ARL15: variants seen among roughly 807,000 people sequenced by gnomAD.
The protein encoded by ARL15 is ARF like GTPase 15.
ARL15 carries 19 observed loss-of-function variants against 25.2 expected under a neutral mutation model. The observed-to-expected ratio is 0.75, with a 90% CI of 0.53 to 1.10. The LOEUF (loss-of-function observed/expected upper bound fraction) is 1.10. Among genes scored for constraint, ARL15 ranks in the 50% least tolerant of loss-of-function variants. ARL15 has a pLI of 0.00. For synonymous variants in ARL15, 94 were observed against 86.8 expected, an observed-to-expected ratio of 1.08 and a Z score of -0.46; for missense variants, 220 against 246.0, an observed-to-expected ratio of 0.89 and a Z score of 0.71.
intron 3 of ARL15, among the ~76,000 whole-genome samples, chr5:54,147,351 G>T (rs1753941591): frequency 6.6e-6 from 1 of 152,080 alleles, no homozygotes; most frequent in Non-Finnish European, 1.5e-5. Flanking sequence ...AGGAGCTTTA[G>T]ATAATTGAAA....
At chr5:54,043,747 T>G (rs938178319) in intron 4 of ARL15, among the ~76,000 whole-genome samples, 3 of 152,076 alleles carry the variant, frequency 2.0e-5, no homozygotes, top group Non-Finnish European at 4.4e-5. Flanking sequence ...TTATTTCTAC[T>G]TTATAAACAA....
chr5:54,084,787 T>C (rs552721519), intron 4 of ARL15, among the ~76,000 whole-genome samples: 142 of 152,242 alleles, frequency 9.3e-4, no homozygotes, highest in African/African-American at 3.2e-3. Flanking sequence ...TGGCACCATG[T>C]TCTGGCGAAA....
chr5:54,056,586 C>A (rs1171154029), intron 4 of ARL15, among the ~76,000 whole-genome samples: 1 of 149,532 alleles, frequency 6.7e-6, no homozygotes, highest in African/African-American at 2.5e-5. Flanking sequence ...GCCAACATTG[C>A]GCCACTGCAC....
At chr5:53,988,281 C>T (rs572808567) in intron 4 of ARL15, among the ~76,000 whole-genome samples, 3 of 149,578 alleles carry the variant, frequency 2.0e-5, no homozygotes, top group African/African-American at 7.4e-5. Context: ...GCCTGGGCAA[C>T]CAAGTGAGAG....
chr5:54,217,023 C>G (rs1293962416), intron 1 of ARL15, among the ~76,000 whole-genome samples: 1 of 152,058 alleles, frequency 6.6e-6, no homozygotes, highest in Non-Finnish European at 1.5e-5. Flanking sequence ...TCTAATCAAT[C>G]ATTTTACAAT....
chr5:54,040,602 T>A (rs1481510050), intron 4 of ARL15, among the ~76,000 whole-genome samples: 1 of 152,224 alleles, frequency 6.6e-6, no homozygotes, highest in Non-Finnish European at 1.5e-5. Flanking sequence ...GCATTCATTA[T>A]GTTTTTTAAA....
At chr5:54,260,572 G>A (rs957620304) in intron 1 of ARL15, among the ~76,000 whole-genome samples, 1 of 152,020 alleles carries the variant, frequency 6.6e-6, no homozygotes, top group East Asian at 1.9e-4. Flanking sequence ...GAGACCACAG[G>A]GTTCTAGTTA....
At chr5:53,904,067 T>G (rs1332375617) in intron 4 of ARL15, among the ~76,000 whole-genome samples, 1 of 152,168 alleles carries the variant, frequency 6.6e-6, no homozygotes, top group Non-Finnish European at 1.5e-5. Flanking sequence ...ATGGGTTAAA[T>G]ATAAAGCAGC....
At chr5:54,310,222 C>T in intron 1 of ARL15, 1 of 549,626 alleles carries the variant, frequency 1.8e-6, no homozygotes, top group Non-Finnish European at 3.2e-6. Context: ...TGGCCCAGGC[C>T]GCACCTTTAC....
intron 1 of ARL15, 173 bp downstream of exon 1, chr5:54,310,259 T>A: frequency 6.0e-6 from 4 of 672,188 alleles, no homozygotes; most frequent in Non-Finnish European, 7.2e-6. Context: ...CCACCCGCCC[T>A]GGAGGCTGCC....
chr5:54,045,601 A>T (rs1750481157), intron 4 of ARL15, among the ~76,000 whole-genome samples: 1 of 151,908 alleles, frequency 6.6e-6, no homozygotes, highest in African/African-American at 2.4e-5. Flanking sequence ...AAGAAGGAAA[A>T]AAAAAAAGCC....
At chr5:53,963,805 TCACACACACACACACACACACACACACA>T (rs60458728) in intron 4 of ARL15, among the ~76,000 whole-genome samples, 5 of 143,244 alleles carry the variant, frequency 3.5e-5, no homozygotes, top group Admixed American at 1.4e-4. Context: ...TGAAACTCCA[TCACACACACACACACACACACACACACA>T]CACACACACA....
At chr5:54,127,558 AG>A (rs1753299646) in intron 3 of ARL15, among the ~76,000 whole-genome samples, 1 of 151,754 alleles carries the variant, frequency 6.6e-6, no homozygotes, top group Non-Finnish European at 1.5e-5. Context: ...GCTCATGGGT[AG>A]GAAGAATCAA....
At chr5:54,239,758 T>C (rs1241694624) in intron 1 of ARL15, among the ~76,000 whole-genome samples, 1 of 152,158 alleles carries the variant, frequency 6.6e-6, no homozygotes, top group Non-Finnish European at 1.5e-5. Context: ...TTTTGGACAA[T>C]GATGTTTAAG....
intron 4 of ARL15, among the ~76,000 whole-genome samples, chr5:53,907,398 G>A (rs1283208953): frequency 4.2e-5 from 6 of 142,998 alleles, no homozygotes; most frequent in African/African-American, 1.6e-4. Context: ...TTTCTTGGGT[G>A]GGGGCAGACT....
intron 3 of ARL15, among the ~76,000 whole-genome samples, chr5:54,148,822 A>T (rs921656408): frequency 1.2e-4 from 18 of 152,216 alleles, no homozygotes; most frequent in Admixed American, 6.5e-5. Context: ...GTTAGGGAGT[A>T]TTATGATGTC....
At chr5:54,101,587 A>G (rs943675949) in intron 4 of ARL15, among the ~76,000 whole-genome samples, 8 of 152,272 alleles carry the variant, frequency 5.3e-5, no homozygotes, top group African/African-American at 1.9e-4. Flanking sequence ...TTAAAACTGT[A>G]TTAGTTTAAA....
At chr5:54,263,322 C>G (rs1757542041) in intron 1 of ARL15, among the ~76,000 whole-genome samples, 1 of 152,040 alleles carries the variant, frequency 6.6e-6, no homozygotes. Context: ...CCCAGTTAAC[C>G]ACTGTCACTG....
chr5:53,888,683 C>A (rs1053160091), intron 4 of ARL15, among the ~76,000 whole-genome samples: 2 of 152,130 alleles, frequency 1.3e-5, no homozygotes. Context: ...ATCTGAAATT[C>A]CTGGTGCAAA....
Sources: gnomAD v4.1 joint callset for allele counts (sites outside exome capture counted in the v4.1 genomes callset) on GRCh38, gnomAD v4.1.1 for gene constraint, MANE v1.5 for transcripts, NCBI Gene and HGNC (gene_info 2026-07-23, HGNC 2026-07-21) for gene names.